MED24: variants seen among roughly 807,000 people sequenced by gnomAD.
MED24 encodes the protein mediator of RNA polymerase II transcription subunit 24.
In MED24, 74 loss-of-function variants were observed where a neutral mutation model predicts 118.8. The observed-to-expected ratio is 0.62, with a 90% confidence interval of 0.52 to 0.76. MED24 has a LOEUF of 0.76. MED24 is among the 30% of genes least tolerant of loss of function. MED24 has a pLI of 0.00. For missense variants in MED24, 1,041 were observed against 1,278.9 expected (o/e 0.81, Z 2.84); for synonymous variants, 521 against 523.9 (o/e 0.99, Z 0.08).
In MED24 at chr17:40,033,587, CAGGG is replaced by C; in HGVS notation, c.560-135_560-132del. The C allele has an allele frequency of 1.3e-6, 1 of 772,554 alleles. No homozygotes were observed. Among genetic ancestry groups the C allele is most frequent in the Non-Finnish European group, 2.2e-6 (1 of 449,108 alleles). The allele number at this position is 772,554 out of a possible 1,614,324, so 47.9% of individuals were successfully genotyped here. ...ACAGGAAGGCTTCCCCTGAGGACAA[CAGGG>C]AGGGAGGGGCCTGAGGGCAGCATGC... On this transcript the variant is annotated intron_variant, in intron 6 of 25. Coordinates refer to ENST00000394128, the MANE Select transcript of MED24 (RefSeq NM_014815.4). The surrounding 1 kb of genome is among the most constrained non-coding windows in gnomAD (Gnocchi z 5.2).
At chr17:40,040,265 G>T (rs1984416779) in intron 3 of MED24, among the ~76,000 whole-genome samples, 1 of 151,618 alleles carries the variant, frequency 6.6e-6, no homozygotes, top group Admixed American at 6.6e-5. Context: ...TTTTAGTAGA[G>T]ATGGAGTTTC....
Position 40,050,602 on chromosome 17 carries a change from A to G in MED24, c.213+2696T>C, listed in dbSNP as rs1425492507. Among the ~76,000 whole-genome samples, 3 of 151,328 alleles carry G rather than the reference A, an allele frequency of 2.0e-5. No homozygotes were observed. In the East Asian group the frequency reaches 5.9e-4, roughly 30 times the overall value. Reference sequence around the variant, plus strand: ...TGCACTCCAGCCTGGGCGACAGAGCAATACTCCGTCTCAGTAAATAAAAAA... The same window carrying G: ...TGCACTCCAGCCTGGGCGACAGAGCGATACTCCGTCTCAGTAAATAAAAAA... On this transcript the variant is annotated intron_variant, in intron 3 of 25. Coordinates refer to ENST00000394128, the MANE Select transcript of MED24 (RefSeq NM_014815.4).
intron 5 of MED24, among the ~76,000 whole-genome samples, 186 bp from the exon 6 acceptor site, chr17:40,035,535 G>T (rs1243817526): frequency 6.6e-6 from 1 of 152,162 alleles, no homozygotes; most frequent in African/African-American, 2.4e-5. Context: ...AGCTACTCCA[G>T]ACAGAGAGGA....
chr17:40,037,042 CT>C (rs997226505), intron 3 of MED24, among the ~76,000 whole-genome samples: 2 of 151,886 alleles, frequency 1.3e-5, no homozygotes, highest in African/African-American at 4.8e-5. Context: ...TTAGCTGGGC[CT>C]GGTGGCCTAT....
intron 3 of MED24, among the ~76,000 whole-genome samples, chr17:40,039,481 T>C (rs1024106992): frequency 6.6e-6 from 1 of 152,208 alleles, no homozygotes; most frequent in Non-Finnish European, 1.5e-5. Context: ...TCGCATAACA[T>C]TGGGCCAAAG....
At chr17:40,051,391 G>A (rs1029659952) in intron 3 of MED24, among the ~76,000 whole-genome samples, 3 of 152,136 alleles carry the variant, frequency 2.0e-5, no homozygotes, top group African/African-American at 4.8e-5. Flanking sequence ...CGAGGCGGAA[G>A]GATCACGAGG....
intron 3 of MED24, among the ~76,000 whole-genome samples, chr17:40,037,719 G>A (rs1485501149): frequency 6.6e-6 from 1 of 152,104 alleles, no homozygotes; most frequent in Non-Finnish European, 1.5e-5. Flanking sequence ...AGACCATCCT[G>A]GCTGACACGG....
intron 14 of MED24, 85 bp from the exon 15 acceptor site, chr17:40,028,031 G>T: frequency 7.5e-7 from 1 of 1,339,420 alleles, no homozygotes; most frequent in Non-Finnish European, 1.1e-6. Flanking sequence ...TTCAGAGAGC[G>T]ATAGCTAGAG....
At position 40,027,997 on chromosome 17, in the gene MED24, AGCTGGGC is replaced by A. The variant is rs747310323; in HGVS notation, c.1410-58_1410-52del. The A allele has an allele frequency of 3.2e-6, 5 of 1,585,394 alleles. No homozygotes were observed. The East Asian group carries it at 1.1e-4, about 35-fold the overall frequency. On this transcript the variant is annotated intron_variant, in intron 14 of 25. Coordinates refer to ENST00000394128, the MANE Select transcript of MED24 (RefSeq NM_014815.4). ...TTGACCAGGGCATGAGCTGAGCAGT[AGCTGGGC>A]GCTGGGGCTACACATGTTCAGAGAG...
At chr17:40,040,770 C>T (rs980310569) in intron 3 of MED24, among the ~76,000 whole-genome samples, 1 of 152,004 alleles carries the variant, frequency 6.6e-6, no homozygotes, top group Admixed American at 6.6e-5. Flanking sequence ...AGGCATGCAC[C>T]ACCACATCCA....
intron 8 of MED24, 139 bp downstream of exon 8, chr17:40,032,917 T>C (rs1256112492): frequency 7.4e-6 from 10 of 1,352,322 alleles, no homozygotes; most frequent in East Asian, 4.9e-5. Flanking sequence ...ATGACAGAAG[T>C]GTGCACGACT....
chr17:40,025,713 G>A (rs1982561619), intron 19 of MED24, among the ~76,000 whole-genome samples: 1 of 152,112 alleles, frequency 6.6e-6, no homozygotes, highest in African/African-American at 2.4e-5. Flanking sequence ...ACAACTTATT[G>A]GTTGGGTGAA....
rs781523659 is a variant in MED24, at chr17:40,029,030, G to A, written c.1267-62C>T. The A allele has an allele frequency of 5.4e-5, 86 of 1,599,050 alleles. 1 individual carries two copies. The South Asian group carries it at 5.9e-4, about 11-fold the overall frequency. ...CTGAAGACCCCCCACCCAAGATACAGCCTAGCCACATTTTCTCTCTTCACA... is the reference window on the plus strand; with the variant it reads ...CTGAAGACCCCCCACCCAAGATACAACCTAGCCACATTTTCTCTCTTCACA... On this transcript the variant is annotated intron_variant, in intron 13 of 25. Transcript: ENST00000394128.
intron 23 of MED24, 109 bp from the exon 24 acceptor site, chr17:40,020,462 A>C: frequency 6.5e-7 from 1 of 1,543,782 alleles, no homozygotes; most frequent in Non-Finnish European, 8.8e-7. Context: ...TAACTGGTAC[A>C]TGGAGAGCCC....
At chr17:40,020,043 G>GTGT in intron 24 of MED24, 110 bp from the exon 25 acceptor site, 4 of 1,370,362 alleles carry the variant, frequency 2.9e-6, no homozygotes, top group Non-Finnish European at 4.0e-6. Context: ...TGCTGAGCAT[G>GTGT]TCCCCAAAAT....
chr17:40,043,028 C>T (rs28527215), intron 3 of MED24, among the ~76,000 whole-genome samples: 11,893 of 152,238 alleles, frequency 0.078, 1,580 homozygotes, highest in African/African-American at 0.27. Flanking sequence ...CTCAGCTCAC[C>T]GCAAGTGCGC....
rs760349338 is a variant in MED24, at chr17:40,035,709, C to A, written c.326+13G>T. The stretch of plus-strand genomic sequence containing the variant: ...GAACATTGTATTGTGAGCCCCCTTA[C>A]CCCTGCCCTTACCTCAGACGGTCAC... On this transcript the variant is annotated intron_variant, in intron 5 of 25. Transcript: ENST00000394128. 2.5e-6 allele frequency: 4 copies of A among 1,612,350 alleles called. No individual in the cohort carries two copies. In the South Asian group the frequency reaches 4.4e-5, roughly 18 times the overall value.
rs186643361 is a variant in MED24, at chr17:40,052,406, T to C, written c.213+892A>G. ...TGTAAGTTGAGGAGCATCTGTACTC[T>C]ATCCTAACCTTTATCATAAACCCAT... On this transcript the variant is annotated intron_variant, in intron 3 of 25. Coordinates refer to ENST00000394128, the MANE Select transcript of MED24 (RefSeq NM_014815.4). Among the ~76,000 whole-genome samples the C allele has an allele frequency of 1.0e-3, 154 of 152,360 alleles. No individual in the cohort carries two copies. In the Middle Eastern group the frequency reaches 0.014, roughly 13 times the overall value.
intron 1 of MED24, 185 bp from the exon 2 acceptor site, chr17:40,053,820 T>C: frequency 1.3e-6 from 1 of 753,090 alleles, no homozygotes. Context: ...GAACCGCCCT[T>C]CCTTAAACTG....
Sources: gnomAD v4.1 joint callset for allele counts (sites outside exome capture counted in the v4.1 genomes callset) on GRCh38, gnomAD v4.1.1 for gene constraint, Gnocchi (gnomAD v3.1) non-coding constraint, MANE v1.5 for transcripts, NCBI Gene and HGNC (gene_info 2026-07-23, HGNC 2026-07-21) for gene names.